ZBTB7C: variants seen among roughly 807,000 people sequenced by gnomAD.
ZBTB7C encodes the protein zinc finger and BTB domain-containing protein 7C.
In ZBTB7C, 8 loss-of-function variants were observed where a neutral mutation model predicts 25.7. The observed-to-expected ratio is 0.31, with a 90% CI of 0.18 to 0.56. The LOEUF (loss-of-function observed/expected upper bound fraction) is 0.56, where lower values mean the gene tolerates loss of function less well. Ranked by LOEUF, ZBTB7C falls within the 20% of genes least tolerant of loss-of-function variation. The pLI, the probability that ZBTB7C is intolerant of heterozygous loss-of-function variation, is 0.91. For missense variants in ZBTB7C, 824 were observed against 855.2 expected (o/e 0.96, Z 0.46); for synonymous variants, 394 against 369.0 (o/e 1.07, Z -0.78).
intron 2 of ZBTB7C, among the ~76,000 whole-genome samples, chr18:48,219,324 G>A (rs964102542): frequency 6.6e-6 from 1 of 152,186 alleles, no homozygotes; most frequent in Non-Finnish European, 1.5e-5. Flanking sequence ...TCTGGCCTCA[G>A]CTAGTTGGGT....
At chr18:48,379,067 G>A (rs1314828541) in intron 1 of ZBTB7C, among the ~76,000 whole-genome samples, 1 of 152,210 alleles carries the variant, frequency 6.6e-6, no homozygotes, top group Non-Finnish European at 1.5e-5. Flanking sequence ...GGTAAGTTAA[G>A]GAGCATCTGT....
intron 3 of ZBTB7C, among the ~76,000 whole-genome samples, chr18:48,173,203 C>T (rs1353309748): frequency 6.6e-6 from 1 of 152,174 alleles, no homozygotes; most frequent in Non-Finnish European, 1.5e-5. Flanking sequence ...TTAAGAAAAT[C>T]AGTAGATCCC....
At chr18:48,229,200 C>G (rs765500149) in intron 2 of ZBTB7C, among the ~76,000 whole-genome samples, 1 of 152,180 alleles carries the variant, frequency 6.6e-6, no homozygotes, top group East Asian at 1.9e-4. Context: ...GTGCCACCAG[C>G]CTTCCTGCCC....
rs1355049447 is a variant in ZBTB7C at position 48,409,355 on chromosome 18, T to C, written c.-433A>G. The C allele has an allele frequency of 6.8e-6, 1 of 147,920 alleles. No individual in the cohort carries two copies. Among genetic ancestry groups the C allele is most frequent in the Non-Finnish European group, 1.5e-5 (1 of 66,502 alleles). 9.2% of individuals were successfully genotyped at this position (147,920 alleles called of 1,614,324 possible). On this transcript the variant is annotated 5_prime_UTR_variant, in exon 1 of 5. Coordinates refer to ENST00000590800, the MANE Select transcript of ZBTB7C (RefSeq NM_001318841.2). ...CTCGCCGGCCGCGCCGCTGTCAGAG[T>C]CTCGTGGCGGGGCTGCGCCGGCGGG...
intron 2 of ZBTB7C, among the ~76,000 whole-genome samples, chr18:48,313,898 C>A (rs1229864305): frequency 6.6e-6 from 1 of 152,178 alleles, no homozygotes; most frequent in African/African-American, 2.4e-5. Flanking sequence ...GCACCATCTC[C>A]TTGGTGATGA....
chr18:48,036,213 C>G (rs1227698021), intron 4 of ZBTB7C, among the ~76,000 whole-genome samples: 1 of 152,230 alleles, frequency 6.6e-6, no homozygotes, highest in African/African-American at 2.4e-5. Context: ...CACCAAAGAA[C>G]AGACAATACC....
chr18:48,262,503 A>C (rs1409935380), intron 2 of ZBTB7C, among the ~76,000 whole-genome samples: 1 of 152,244 alleles, frequency 6.6e-6, no homozygotes, highest in Non-Finnish European at 1.5e-5. Context: ...AACACCAGGC[A>C]GTATATGAAA....
intron 2 of ZBTB7C, among the ~76,000 whole-genome samples, chr18:48,203,840 G>A (rs1473819444): frequency 6.6e-6 from 1 of 152,184 alleles, no homozygotes; most frequent in Non-Finnish European, 1.5e-5. Flanking sequence ...GCAAGGTGCA[G>A]GCAGCCCCCC....
At chr18:48,190,545 C>T (rs566392353) in intron 2 of ZBTB7C, among the ~76,000 whole-genome samples, 1 of 152,266 alleles carries the variant, frequency 6.6e-6, no homozygotes, top group African/African-American at 2.4e-5. Context: ...CCCATGAACT[C>T]AGGGGCCCTT....
intron 2 of ZBTB7C, among the ~76,000 whole-genome samples, chr18:48,278,517 C>T (rs2044736192): frequency 6.6e-6 from 1 of 151,954 alleles, no homozygotes; most frequent in South Asian, 2.1e-4. Context: ...CTCACTGCAA[C>T]CTCCGCCTCC....
Position 48,373,960 on chromosome 18 carries a change from C to CAA in ZBTB7C, c.-304+35264_-304+35265dup, listed in dbSNP as rs34811374. 5.7e-3 allele frequency among the ~76,000 whole-genome samples: 790 copies of CAA among 139,476 alleles called. 7 individuals carry two copies. The highest frequency in any genetic ancestry group is 0.019 in the African/African-American group (666 of 35,282). 91.5% of individuals were successfully genotyped at this position (139,476 alleles called of 152,430 possible). ...TGGGCAACAGAGCAAGACTCTGTCT[C>CAA]AAAAAAAAAAAAAGCATGTGGCACC... is the stretch of plus-strand genomic sequence containing the variant. On this transcript the variant is annotated intron_variant, in intron 1 of 4. Transcript: ENST00000590800.
intron 2 of ZBTB7C, among the ~76,000 whole-genome samples, chr18:48,208,485 T>C (rs549828953): frequency 6.6e-6 from 1 of 152,286 alleles, no homozygotes; most frequent in South Asian, 2.1e-4. Context: ...AACTTCTACT[T>C]ATGCCCCAGG....
intron 3 of ZBTB7C, among the ~76,000 whole-genome samples, chr18:48,089,266 C>T (rs1348507389): frequency 2.0e-5 from 3 of 151,670 alleles, no homozygotes; most frequent in African/African-American, 4.8e-5. Flanking sequence ...GTCAGGAGTT[C>T]AAAACCAGCC....
At chr18:48,254,226 T>G (rs186823284) in intron 2 of ZBTB7C, among the ~76,000 whole-genome samples, 285 of 152,346 alleles carry the variant, frequency 1.9e-3, no homozygotes, top group Middle Eastern at 6.8e-3. Flanking sequence ...GAAGCTTACA[T>G]GGGTGAATGC....
chr18:48,372,926 G>T (rs552197704), intron 1 of ZBTB7C, among the ~76,000 whole-genome samples: 1 of 152,234 alleles, frequency 6.6e-6, no homozygotes, highest in African/African-American at 2.4e-5. Flanking sequence ...ATGTCTCCAT[G>T]TCCAACCCTC....
At chr18:48,275,929 A>G (rs2044635389) in intron 2 of ZBTB7C, among the ~76,000 whole-genome samples, 1 of 152,172 alleles carries the variant, frequency 6.6e-6, no homozygotes, top group African/African-American at 2.4e-5. Context: ...CCAAAGGCAA[A>G]TTTGATTTTG....
intron 3 of ZBTB7C, among the ~76,000 whole-genome samples, chr18:48,135,206 C>T (rs1444018784): frequency 2.0e-5 from 3 of 152,158 alleles, no homozygotes; most frequent in Non-Finnish European, 4.4e-5. Context: ...ATGCCCAGCA[C>T]TTAGCATGGT....
intron 2 of ZBTB7C, among the ~76,000 whole-genome samples, chr18:48,191,734 C>T (rs1353909586): frequency 2.0e-5 from 3 of 152,248 alleles, no homozygotes; most frequent in East Asian, 3.9e-4. Flanking sequence ...CTGAGAGGCC[C>T]GGGGGTTGTC....
At chr18:48,307,289 T>A (rs2045698694) in intron 2 of ZBTB7C, among the ~76,000 whole-genome samples, 1 of 152,334 alleles carries the variant, frequency 6.6e-6, no homozygotes, top group South Asian at 2.1e-4. Context: ...AGCCTCCTCA[T>A]ATGCCCAAAG....
Sources: allele counts gnomAD v4.1 joint callset (sites outside exome capture counted in the v4.1 genomes callset), GRCh38; gene constraint gnomAD v4.1.1; transcripts MANE v1.5; gene names NCBI Gene and HGNC (gene_info 2026-07-23, HGNC 2026-07-21).